The following VPS50 variants were observed in gnomAD, a reference collection of about 807,000 sequenced individuals.
VPS50 encodes the protein VPS50 subunit of EARP/GARPII complex.
A neutral mutation model predicts 139.7 loss-of-function variants in VPS50; 70 were observed. The observed-to-expected ratio is 0.50, with a 90% CI of 0.41 to 0.61. The LOEUF is 0.61. Among genes scored for constraint, VPS50 ranks in the 20% least tolerant of loss-of-function variants. The pLI, the probability that VPS50 is intolerant of heterozygous loss-of-function variation, is 0.00. For missense variants in VPS50, 921 were observed against 1,133.7 expected (o/e 0.81, Z 2.69); for synonymous variants, 365 against 376.7 (o/e 0.97, Z 0.36).
At chr7:93,334,483 TTG>T (rs1452357361) in intron 22 of VPS50, among the ~76,000 whole-genome samples, 1 of 152,148 alleles carries the variant, frequency 6.6e-6, no homozygotes, top group East Asian at 1.9e-4. Flanking sequence ...GAAGTAACAC[TTG>T]TGCTAGGCTT....
At chr7:93,242,923 A>G (rs975419182) in intron 2 of VPS50, among the ~76,000 whole-genome samples, 3 of 152,002 alleles carry the variant, frequency 2.0e-5, no homozygotes, top group African/African-American at 2.4e-5. Context: ...ATGTGCTTCA[A>G]CTTGCTAGAA....
At chr7:93,256,035 G>C (rs867317065) in intron 4 of VPS50, among the ~76,000 whole-genome samples, 13 of 152,288 alleles carry the variant, frequency 8.5e-5, no homozygotes, top group South Asian at 8.3e-4. Flanking sequence ...CATGTTTTCA[G>C]CTTTTCAGAA....
intron 23 of VPS50, among the ~76,000 whole-genome samples, chr7:93,348,028 T>C (rs1183321837): frequency 6.6e-6 from 1 of 151,984 alleles, no homozygotes; most frequent in African/African-American, 2.4e-5. Flanking sequence ...CCTTTATAAA[T>C]CCCTAAAGTT....
intron 2 of VPS50, among the ~76,000 whole-genome samples, chr7:93,242,679 A>G (rs1034591211): frequency 2.0e-5 from 3 of 151,996 alleles, no homozygotes; most frequent in Non-Finnish European, 1.5e-5. Context: ...AACTGTAGGT[A>G]CAACTTTTAA....
At chr7:93,255,487 G>T (rs1478328931) in intron 4 of VPS50, among the ~76,000 whole-genome samples, 1 of 152,158 alleles carries the variant, frequency 6.6e-6, no homozygotes, top group Non-Finnish European at 1.5e-5. Context: ...CTCACTTCCT[G>T]CTGTGTAGCC....
intron 18 of VPS50, among the ~76,000 whole-genome samples, chr7:93,306,920 G>C (rs1051031079): frequency 3.3e-5 from 5 of 151,672 alleles, no homozygotes; most frequent in Admixed American, 6.6e-5. Flanking sequence ...TTGTTTCATA[G>C]TAAGCCATAT....
intron 16 of VPS50, 95 bp from the exon 17 acceptor site, chr7:93,303,362 AATC>A (rs1020437621): frequency 7.8e-4 from 389 of 499,232 alleles, no homozygotes; most frequent in African/African-American, 7.0e-3. Context: ...TCATGACAAT[AATC>A]CTATAATTAT....
intron 23 of VPS50, among the ~76,000 whole-genome samples, chr7:93,344,216 A>G (rs922127935): frequency 6.6e-6 from 1 of 152,194 alleles, no homozygotes; most frequent in Non-Finnish European, 1.5e-5. Flanking sequence ...ACCAACAAAG[A>G]TCAAAAGAGA....
chr7:93,318,925 T>C (rs1446173036), intron 20 of VPS50, among the ~76,000 whole-genome samples: 1 of 151,956 alleles, frequency 6.6e-6, no homozygotes, highest in Non-Finnish European at 1.5e-5. Context: ...AAAATATATT[T>C]AAGAAAATAT....
chr7:93,249,576 A>T (rs530310913), intron 2 of VPS50, among the ~76,000 whole-genome samples: 12 of 152,238 alleles, frequency 7.9e-5, no homozygotes, highest in Admixed American at 3.9e-4. Context: ...TTTCTGATTT[A>T]AAAAAATCGT....
intron 21 of VPS50, among the ~76,000 whole-genome samples, chr7:93,329,668 A>G (rs1797879663): frequency 6.6e-6 from 1 of 152,156 alleles, no homozygotes; most frequent in African/African-American, 2.4e-5. Context: ...GATGTATTAT[A>G]TAAAAGGGAC....
intron 25 of VPS50, 121 bp downstream of exon 25, chr7:93,350,154 T>A (rs1432066668): frequency 3.4e-5 from 20 of 586,394 alleles, no homozygotes; most frequent in Non-Finnish European, 5.3e-5. Flanking sequence ...ATTGTGGTAT[T>A]AAAGCCCCTG....
chr7:93,243,853 CT>C (rs1795068831), intron 2 of VPS50, among the ~76,000 whole-genome samples: 1 of 151,826 alleles, frequency 6.6e-6, no homozygotes, highest in Non-Finnish European at 1.5e-5. Flanking sequence ...TACATCCAGC[CT>C]TTATTAATAT....
intron 12 of VPS50, among the ~76,000 whole-genome samples, chr7:93,280,704 T>G (rs1200427348): frequency 6.6e-6 from 1 of 152,088 alleles, no homozygotes; most frequent in African/African-American, 2.4e-5. Context: ...CCTGGGGAGC[T>G]TATTTCAAGA....
chr7:93,290,767 G>A (rs1796626059), intron 12 of VPS50, among the ~76,000 whole-genome samples: 1 of 152,020 alleles, frequency 6.6e-6, no homozygotes, highest in African/African-American at 2.4e-5. Context: ...CCAAATGAAT[G>A]TTTTGGTGAA....
rs1363316250 is a variant in VPS50 at position 93,258,235 on chromosome 7, C to T, written c.499C>T (p.Leu167=). The change falls in exon 7 of 28, where the codon CTG becomes TTG. Residue 167 remains leucine, a synonymous_variant. Coordinates refer to ENST00000305866, the MANE Select transcript of VPS50 (RefSeq NM_017667.4). The part of the protein sequence containing the change: ...LLANQRKRQL[L]IGLLKSLRTI... The stretch of plus-strand genomic sequence containing the variant: ...TGCAAATCAAAGGAAACGTCAGTTG[C>T]TGATTGGACTTCTGAAATCTCTGAG... 1.3e-6 allele frequency: 2 copies of T among 1,598,460 alleles called. No homozygotes were observed. The highest frequency in any genetic ancestry group is 1.7e-6 in the Non-Finnish European group (2 of 1,166,008).
chr7:93,321,711 T>G (rs1797618829), intron 20 of VPS50, among the ~76,000 whole-genome samples: 1 of 152,254 alleles, frequency 6.6e-6, no homozygotes, highest in Admixed American at 6.5e-5. Flanking sequence ...AATCGATTTT[T>G]ATATCCTTTT....
chr7:93,324,774 C>T (rs1797720145), intron 21 of VPS50, among the ~76,000 whole-genome samples: 1 of 152,130 alleles, frequency 6.6e-6, no homozygotes, highest in African/African-American at 2.4e-5. Context: ...CTACAAACCA[C>T]TGCTCAATGA....
chr7:93,237,986 A>G (rs1010514508), intron 1 of VPS50, among the ~76,000 whole-genome samples: 2 of 152,196 alleles, frequency 1.3e-5, no homozygotes, highest in African/African-American at 4.8e-5. Context: ...ACATAACCCA[A>G]TTGTAAGTCG....
Sources: gnomAD v4.1 joint callset for allele counts (sites outside exome capture counted in the v4.1 genomes callset) on GRCh38, gnomAD v4.1.1 for gene constraint, MANE v1.5 for transcripts, NCBI Gene and HGNC (gene_info 2026-07-23, HGNC 2026-07-21) for gene names.